Variants in DPH6 observed in about 807,000 individuals in gnomAD.
DPH6 encodes the protein diphthine--ammonia ligase.
A neutral mutation model predicts 38.2 loss-of-function variants in DPH6; 33 were observed. That is an observed-to-expected ratio of 0.86 (90% confidence interval 0.65 to 1.15). The LOEUF (loss-of-function observed/expected upper bound fraction) is 1.15. Among genes scored for constraint, DPH6 ranks in the 50% most tolerant of loss-of-function variants. DPH6 has a pLI of 0.00. For missense variants in DPH6, 325 were observed against 320.0 expected, an observed-to-expected ratio of 1.02 and a Z score of -0.12; for synonymous variants, 108 against 103.0, an observed-to-expected ratio of 1.05 and a Z score of -0.30.
chr15:35,292,330 T>C (rs2051985553), intron 3 of DPH6, among the ~76,000 whole-genome samples: 1 of 152,112 alleles, frequency 6.6e-6, no homozygotes, highest in Non-Finnish European at 1.5e-5. Context: ...AATAAATATA[T>C]CTCATTCTAA....
At chr15:35,366,228 TTGTGTGTGTG>T (rs10525441), downstream of DPH6, among the ~76,000 whole-genome samples, 14 of 144,258 alleles carry the variant, frequency 9.7e-5, no homozygotes, top group African/African-American at 2.6e-4. Flanking sequence ...TTTAGTCATC[TTGTGTGTGTG>T]TGTGTGTGTG....
intron 3 of DPH6, among the ~76,000 whole-genome samples, chr15:35,233,082 G>T (rs1316714355): frequency 1.3e-5 from 2 of 152,072 alleles, no homozygotes; most frequent in Non-Finnish European, 2.9e-5. Flanking sequence ...CTGCGGTGGG[G>T]GGATCACTTG....
intron 3 of DPH6, among the ~76,000 whole-genome samples, chr15:35,291,645 C>T (rs1370967378): frequency 6.6e-6 from 1 of 152,100 alleles, no homozygotes; most frequent in Non-Finnish European, 1.5e-5. Flanking sequence ...TTAATGTTCT[C>T]ACCTCCTCCC....
intron 3 of DPH6, among the ~76,000 whole-genome samples, chr15:35,513,585 C>T (rs898663602): frequency 4.0e-5 from 6 of 151,848 alleles, no homozygotes; most frequent in South Asian, 2.1e-4. Flanking sequence ...CAAATAACTG[C>T]GGTAAATAAT....
intron 3 of DPH6, among the ~76,000 whole-genome samples, chr15:35,295,452 A>G (rs1415922656): frequency 6.6e-6 from 1 of 152,198 alleles, no homozygotes; most frequent in Non-Finnish European, 1.5e-5. Flanking sequence ...CCTGGAGGTA[A>G]TGTGTCTTCT....
chr15:35,538,217 T>C (rs2055200087), intron 3 of DPH6, 57 bp downstream of exon 3: 1 of 1,327,438 alleles, frequency 7.5e-7, no homozygotes, highest in Admixed American at 2.6e-5. Flanking sequence ...ATTCGGCAAA[T>C]GTAATTTGTT....
intron 5 of DPH6, among the ~76,000 whole-genome samples, chr15:35,448,272 A>T (rs962583217): frequency 2.0e-5 from 3 of 152,134 alleles, no homozygotes; most frequent in African/African-American, 7.2e-5. Flanking sequence ...CAGGAAGCCT[A>T]CCCCAGTTAC....
intron 3 of DPH6, chr15:35,282,977 T>G (rs938114454): frequency 3.5e-6 from 1 of 282,690 alleles, no homozygotes; most frequent in African/African-American, 2.3e-5. Context: ...CATCTTGAGC[T>G]GATCTCCTGA....
At chr15:35,442,738 A>G (rs2053803908) in intron 5 of DPH6, among the ~76,000 whole-genome samples, 1 of 152,214 alleles carries the variant, frequency 6.6e-6, no homozygotes, top group Admixed American at 6.5e-5. Context: ...TCTTGAAAAC[A>G]TTATTCTAAG....
chr15:35,285,798 A>T (rs2051936825), intron 3 of DPH6, among the ~76,000 whole-genome samples: 1 of 146,480 alleles, frequency 6.8e-6, no homozygotes, highest in Admixed American at 6.9e-5. Flanking sequence ...GTCCAGAAAT[A>T]TCTAGACTAG....
intron 3 of DPH6, among the ~76,000 whole-genome samples, chr15:35,220,902 T>C (rs1437200150): frequency 6.6e-6 from 1 of 152,162 alleles, no homozygotes; most frequent in African/African-American, 2.4e-5. Context: ...TCTTAACTCA[T>C]TCCAGCATCA....
intron 5 of DPH6, among the ~76,000 whole-genome samples, chr15:35,412,378 GAT>G (rs2053378092): frequency 6.6e-6 from 1 of 151,786 alleles, no homozygotes; most frequent in Middle Eastern, 3.4e-3. Context: ...TACTATTGCT[GAT>G]TGGAATGCAA....
At position 35,466,887 on chromosome 15, in the gene DPH6, G is replaced by T. The variant is rs185755829; in HGVS notation, c.313-12067C>A. ...AAAATACAATTAAAAAGATACAAAT[G>T]ATACACCTTTAAAGTGCACTTAGCA... On this transcript the variant is annotated intron_variant, in intron 3 of 8. Coordinates refer to ENST00000256538, the MANE Select transcript of DPH6 (RefSeq NM_080650.4). 1.9e-3 allele frequency among the ~76,000 whole-genome samples: 295 copies of T among 152,206 alleles called. 1 individual carries two copies. The highest frequency in any genetic ancestry group is 6.5e-3 in the African/African-American group (272 of 41,540).
the DPH6 span, among the ~76,000 whole-genome samples, chr15:35,161,060 C>T: frequency 1.3e-5 from 2 of 151,924 alleles, no homozygotes; most frequent in Admixed American, 6.6e-5. Context: ...TTAATGGGTG[C>T]AGCACACCAA....
At chr15:35,378,402 T>C (rs919128226) in intron 7 of DPH6, among the ~76,000 whole-genome samples, 2 of 152,130 alleles carry the variant, frequency 1.3e-5, no homozygotes, top group African/African-American at 4.8e-5. Context: ...GTTCAACCAT[T>C]ATGGAAGACA....
intron 3 of DPH6, among the ~76,000 whole-genome samples, chr15:35,469,555 G>T (rs1406650987): frequency 6.6e-6 from 1 of 152,184 alleles, no homozygotes; most frequent in Non-Finnish European, 1.5e-5. Context: ...ATATGGCCGA[G>T]AAAGGAACCC....
chr15:35,490,221 A>G, intron 3 of DPH6: 1 of 980,918 alleles, frequency 1.0e-6, no homozygotes, highest in South Asian at 4.7e-5. Flanking sequence ...GGAAGGAAGG[A>G]AAGAAAAAAA....
intron 3 of DPH6, among the ~76,000 whole-genome samples, chr15:35,286,942 G>A (rs62004398): frequency 0.017 from 2,642 of 152,236 alleles, 35 homozygotes; most frequent in South Asian, 0.041. Context: ...TTCCTCTGAG[G>A]AAAGGAATTT....
intron 1 of DPH6, among the ~76,000 whole-genome samples, chr15:35,544,966 T>C (rs2055322572): frequency 6.6e-6 from 1 of 152,260 alleles, no homozygotes; most frequent in Non-Finnish European, 1.5e-5. Flanking sequence ...AGAGGACATT[T>C]ACTGAACAAC....
Sources: gnomAD v4.1 joint callset for allele counts (sites outside exome capture counted in the v4.1 genomes callset) on GRCh38, gnomAD v4.1.1 for gene constraint, MANE v1.5 for transcripts, NCBI Gene and HGNC (gene_info 2026-07-23, HGNC 2026-07-21) for gene names.